Variants in ENOX2 observed in about 807,000 individuals in gnomAD.
ENOX2 encodes the protein ecto-NOX disulfide-thiol exchanger 2.
In ENOX2, 36 loss-of-function variants were observed where a neutral mutation model predicts 45.0. The ratio of observed to expected loss-of-function variants is 0.80; its 90% CI spans 0.61 to 1.06. ENOX2 has a LOEUF of 1.06. Among genes scored for constraint, ENOX2 ranks in the 50% least tolerant of loss-of-function variants. The probability of loss-of-function intolerance (pLI) is 0.00; values close to 1 mark genes in which losing one functional copy is unlikely to be tolerated. For missense variants in ENOX2, 423 were observed against 462.5 expected, an observed-to-expected ratio of 0.91 and a Z score of 0.78; for synonymous variants, 174 against 152.3, an observed-to-expected ratio of 1.14 and a Z score of -1.05.
Position 130,667,510 on chromosome X carries a change from G to C in ENOX2, c.907+20C>G, listed in dbSNP as rs1431218130. The C allele has an allele frequency of 1.7e-6, 2 of 1,180,425 alleles. No individual in the cohort carries two copies. The highest frequency in any genetic ancestry group is 3.5e-5 in the African/African-American group (2 of 56,598). On this transcript the variant is annotated intron_variant, in intron 8 of 14. Transcript: ENST00000394363. ...GAAGTGACTTATTCTCATTCCAGCA[G>C]AACTCTAAGTTCCACTCACATTGAA...
intron 9 of ENOX2, among the ~76,000 whole-genome samples, chrX:130,659,379 A>G (rs992201254): frequency 1.8e-5 from 2 of 112,139 alleles, no homozygotes; most frequent in African/African-American, 6.5e-5. Context: ...AGAAGATGCT[A>G]ACATAGACTC....
intron 6 of ENOX2, 125 bp from the exon 7 acceptor site, chrX:130,670,323 T>A: frequency 2.0e-6 from 1 of 494,114 alleles, no homozygotes; most frequent in Admixed American, 3.3e-5. Context: ...CCAAGTTCAG[T>A]GTTTCAGATG....
chrX:130,665,059 G>T (rs764349362), intron 9 of ENOX2, among the ~76,000 whole-genome samples: 40 of 112,176 alleles, frequency 3.6e-4, no homozygotes, highest in African/African-American at 1.2e-3. Context: ...TGATGCAGAA[G>T]AGCAATCTAA....
At chrX:130,749,678 AAATT>A (rs1228972863) in intron 3 of ENOX2, among the ~76,000 whole-genome samples, 2 of 110,650 alleles carry the variant, frequency 1.8e-5, no homozygotes, top group Non-Finnish European at 3.8e-5. Flanking sequence ...GACAATGCTA[AAATT>A]TCTCCCTGTT....
Position 130,667,784 on chromosome X carries a change from T to G in ENOX2, c.695-42A>C, listed in dbSNP as rs1384640318. 5 of 1,027,538 alleles carry G rather than the reference T, an allele frequency of 4.9e-6. No homozygotes were observed. The African/African-American group carries it at 9.5e-5, about 19-fold the overall frequency. The allele number at this position is 1,027,538 out of a possible 1,213,427, so 84.7% of individuals were successfully genotyped here. Reference sequence around the variant, plus strand: ...TTTATAACCAACAAAGGTAACCAAATTTTGATCTATTTTCCCAACATGCTG... The same window carrying G: ...TTTATAACCAACAAAGGTAACCAAAGTTTGATCTATTTTCCCAACATGCTG... On this transcript the variant is annotated intron_variant, in intron 7 of 14. Coordinates refer to ENST00000394363, the MANE Select transcript of ENOX2 (RefSeq NM_006375.4).
intron 10 of ENOX2, among the ~76,000 whole-genome samples, chrX:130,640,937 A>G (rs1468472072): frequency 1.8e-5 from 2 of 112,103 alleles, no homozygotes; most frequent in Non-Finnish European, 3.8e-5. Flanking sequence ...TAAAAAAAAT[A>G]CTGAAAAAAG....
Position 130,631,490 on chromosome X carries a change from A to T in ENOX2, c.1506T>A (p.Ser502=), listed in dbSNP as rs1201791236. 1 of 1,191,586 alleles carries T rather than the reference A, an allele frequency of 8.4e-7. No homozygotes were observed. The highest frequency in any genetic ancestry group is 1.8e-5 in the South Asian group (1 of 56,447). ...EKTMNSSPIK[S]EREALLVGII... is the part of the protein sequence containing the mutation. ...TACCCACTAGCAGTGCTTCACGTTC[A>T]GATTTGATAGGACTGCTGTTCATGG... Residue 502 remains serine (S), a synonymous_variant, in exon 13 of 15, where the codon TCT becomes TCA. Transcript: ENST00000394363.
chrX:130,895,071 G>T (rs1305939432), intron 2 of ENOX2, among the ~76,000 whole-genome samples: 1 of 111,629 alleles, frequency 9.0e-6, no homozygotes, highest in East Asian at 2.8e-4. Flanking sequence ...TACGATCACT[G>T]GTTTGAGTGT....
intron 2 of ENOX2, among the ~76,000 whole-genome samples, chrX:130,832,817 A>G (rs1300302306): frequency 2.7e-5 from 3 of 110,909 alleles, no homozygotes; most frequent in Non-Finnish European, 5.7e-5. Context: ...TTCATCCTGT[A>G]GAAAGCATAT....
chrX:130,675,523 G>A (rs942483072), intron 6 of ENOX2, among the ~76,000 whole-genome samples: 4 of 112,264 alleles, frequency 3.6e-5, no homozygotes, highest in East Asian at 2.8e-4. Flanking sequence ...TCAAATCAAC[G>A]TTGAAAGAAT....
chrX:130,697,843 G>A (rs1018914095), intron 4 of ENOX2, among the ~76,000 whole-genome samples: 2 of 112,122 alleles, frequency 1.8e-5, no homozygotes, highest in African/African-American at 6.5e-5. Context: ...TTAACGTCAT[G>A]AAATTCTTAT....
intron 2 of ENOX2, among the ~76,000 whole-genome samples, chrX:130,841,806 CAAG>C (rs1569312070): frequency 8.9e-6 from 1 of 111,891 alleles, no homozygotes; most frequent in Non-Finnish European, 1.9e-5. Context: ...TAGAATACAT[CAAG>C]AAGAAGATAA....
At chrX:130,862,385 T>C (rs2148538180) in intron 2 of ENOX2, among the ~76,000 whole-genome samples, 1 of 111,600 alleles carries the variant, frequency 9.0e-6, no homozygotes, top group Non-Finnish European at 1.9e-5. Flanking sequence ...TAAATGTCCC[T>C]TCTCAATGAG....
intron 5 of ENOX2, among the ~76,000 whole-genome samples, chrX:130,688,069 C>T: frequency 1.8e-5 from 2 of 112,171 alleles, no homozygotes; most frequent in Middle Eastern, 9.2e-3. Flanking sequence ...CCTTGGTATG[C>T]CACCCAGTAT....
chrX:130,902,536 GA>G (rs370380768), intron 1 of ENOX2, among the ~76,000 whole-genome samples: 1 of 105,370 alleles, frequency 9.5e-6, no homozygotes, highest in Non-Finnish European at 2.0e-5. Context: ...GAGAAAGTTT[GA>G]AAAAAAAAAG....
chrX:130,684,930 C>A (rs1325258739), intron 5 of ENOX2, among the ~76,000 whole-genome samples: 1 of 111,170 alleles, frequency 9.0e-6, no homozygotes, highest in Non-Finnish European at 1.9e-5. Context: ...CACCACTGCA[C>A]TCTGGCCTGG....
chrX:130,804,943 C>T (rs1304324653), intron 2 of ENOX2, among the ~76,000 whole-genome samples: 1 of 111,178 alleles, frequency 9.0e-6, no homozygotes, highest in Non-Finnish European at 1.9e-5. Context: ...GTTAGTAAGA[C>T]ATGGGGTGTT....
chrX:130,779,914 G>T (rs1159950589), intron 3 of ENOX2, among the ~76,000 whole-genome samples: 1 of 111,416 alleles, frequency 9.0e-6, no homozygotes, highest in African/African-American at 3.3e-5. Flanking sequence ...TTTAATGACC[G>T]ATATATTTCA....
chrX:130,821,742 T>TAAAAAAAAAAAAAAAAA, intron 2 of ENOX2, among the ~76,000 whole-genome samples: 2 of 23,166 alleles, frequency 8.6e-5, no homozygotes, highest in Non-Finnish European at 7.6e-5. Flanking sequence ...ATAAATAAAT[T>TAAAAAAAAAAAAAAAAA]AAAAAAAAAA....
Sources: gnomAD v4.1 joint callset for allele counts (sites outside exome capture counted in the v4.1 genomes callset) on GRCh38, gnomAD v4.1.1 for gene constraint, MANE v1.5 for transcripts, NCBI Gene and HGNC (gene_info 2026-07-23, HGNC 2026-07-21) for gene names.